ADAMTSL1: variants seen among roughly 807,000 people sequenced by gnomAD.
The protein encoded by ADAMTSL1 is ADAMTS like 1.
ADAMTSL1 carries 126 observed loss-of-function variants against 201.8 expected under a neutral mutation model. That is an observed-to-expected ratio of 0.62 (90% CI 0.54 to 0.72). The LOEUF (loss-of-function observed/expected upper bound fraction) is 0.72. Among genes scored for constraint, ADAMTSL1 ranks in the 30% least tolerant of loss-of-function variants. ADAMTSL1 has a pLI of 0.00. For synonymous variants in ADAMTSL1, 1,121 were observed against 903.4 expected (o/e 1.24, Z -4.32); for missense variants, 2,679 against 2,277.8 (o/e 1.18, Z -3.59).
intron 1 of ADAMTSL1, among the ~76,000 whole-genome samples, chr9:18,033,769 G>A (rs1188778081): frequency 6.6e-6 from 1 of 152,196 alleles, no homozygotes; most frequent in Non-Finnish European, 1.5e-5. Context: ...AGCATCTACT[G>A]TTTGCAGCCC....
At chr9:18,273,986 C>G (rs34154171) in intron 2 of ADAMTSL1, among the ~76,000 whole-genome samples, 2 of 152,126 alleles carry the variant, frequency 1.3e-5, no homozygotes, top group Non-Finnish European at 2.9e-5. Flanking sequence ...TGCTGCTGTC[C>G]TGTGTGCATA....
chr9:18,450,763 T>A (rs1407239817), intron 2 of ADAMTSL1, among the ~76,000 whole-genome samples: 1 of 152,152 alleles, frequency 6.6e-6, no homozygotes, highest in Non-Finnish European at 1.5e-5. Flanking sequence ...TGACAATAGT[T>A]GAGAGAGTAG....
intron 1 of ADAMTSL1, among the ~76,000 whole-genome samples, chr9:17,907,260 C>G (rs372512084): frequency 3.9e-5 from 6 of 152,174 alleles, no homozygotes; most frequent in South Asian, 4.1e-4. Flanking sequence ...TCCTCTACCC[C>G]CCACCCTTTC....
At chr9:18,555,168 A>G (rs907742983) in intron 3 of ADAMTSL1, among the ~76,000 whole-genome samples, 2 of 151,770 alleles carry the variant, frequency 1.3e-5, no homozygotes, top group Admixed American at 1.3e-4. Context: ...TGGCATTACG[A>G]GCAGATATTC....
intron 23 of ADAMTSL1, among the ~76,000 whole-genome samples, chr9:18,847,407 C>T (rs559184838): frequency 6.6e-6 from 1 of 152,150 alleles, no homozygotes; most frequent in Non-Finnish European, 1.5e-5. Flanking sequence ...AGACAAAAGT[C>T]CCTCCTCTCA....
chr9:18,687,409 A>ACCC (rs1830903767), intron 13 of ADAMTSL1, among the ~76,000 whole-genome samples: 1 of 152,202 alleles, frequency 6.6e-6, no homozygotes, highest in African/African-American at 2.4e-5. Flanking sequence ...CCCCCCACCA[A>ACCC]GGAGACTCAC....
rs1276838636 is a variant in ADAMTSL1, at chr9:18,639,386, C to A, written c.809C>A (p.Pro270Gln). 6.2e-7 allele frequency: 1 copy of A among 1,612,530 alleles called. No homozygotes were observed. Among genetic ancestry groups the A allele is most frequent in the Non-Finnish European group, 8.5e-7 (1 of 1,179,082 alleles). Residue 270 changes from proline (P) to glutamine (Q), a missense_variant, in exon 7 of 29, where the codon CCA becomes CAA. Physicochemically the swap from Pro to Gln is moderately conservative, Grantham distance 76. Transcript: ENST00000380548. ...AAAGAGATACTGAGAATGGCTGGACCACTCACAGCAGATTTCATTGTCAAG... is the reference window on the plus strand; with the variant it reads ...AAAGAGATACTGAGAATGGCTGGACAACTCACAGCAGATTTCATTGTCAAG... ...PDKEILRMAG[P>Q]LTADFIVKIR... is the part of the protein sequence containing the mutation.
intron 2 of ADAMTSL1, among the ~76,000 whole-genome samples, chr9:18,272,692 C>G (rs1832426990): frequency 6.6e-6 from 1 of 152,136 alleles, no homozygotes; most frequent in African/African-American, 2.4e-5. Context: ...CTATTCCTAC[C>G]TACCACTTCA....
upstream of ADAMTSL1, among the ~76,000 whole-genome samples, chr9:18,470,369 G>T (rs958397316): frequency 2.0e-5 from 3 of 152,170 alleles, no homozygotes; most frequent in African/African-American, 7.2e-5. Flanking sequence ...TTTCAGTTCT[G>T]CCCCTGAGAA....
At chr9:18,475,184 C>T (rs1821390021) in intron 1 of ADAMTSL1, among the ~76,000 whole-genome samples, 1 of 152,168 alleles carries the variant, frequency 6.6e-6, no homozygotes, top group African/African-American at 2.4e-5. Context: ...CTGATCCAAA[C>T]AAATGTGATT....
chr9:18,300,853 A>G (rs1833682003), intron 2 of ADAMTSL1, among the ~76,000 whole-genome samples: 1 of 152,208 alleles, frequency 6.6e-6, no homozygotes, highest in African/African-American at 2.4e-5. Context: ...AGAGAAGTTT[A>G]CAAAAAAGTT....
At chr9:18,823,831 A>G (rs760455501) in intron 21 of ADAMTSL1, among the ~76,000 whole-genome samples, 1 of 152,188 alleles carries the variant, frequency 6.6e-6, no homozygotes, top group Non-Finnish European at 1.5e-5. Flanking sequence ...TCCACTAAAA[A>G]TACAACAATT....
intron 2 of ADAMTSL1, among the ~76,000 whole-genome samples, chr9:18,274,327 G>A (rs573400802): frequency 2.0e-5 from 3 of 152,266 alleles, no homozygotes; most frequent in African/African-American, 7.2e-5. Context: ...GCGTTGTTGA[G>A]TTGTCCAAAT....
chr9:18,446,055 C>A (rs758273572), intron 2 of ADAMTSL1, among the ~76,000 whole-genome samples: 27 of 152,124 alleles, frequency 1.8e-4, no homozygotes, highest in Non-Finnish European at 1.8e-4. Flanking sequence ...GAGTTTGATT[C>A]CAGATTTCAT....
chr9:17,945,946 C>A (rs552081313), intron 1 of ADAMTSL1, among the ~76,000 whole-genome samples: 61 of 151,622 alleles, frequency 4.0e-4, no homozygotes, highest in Admixed American at 6.6e-4. Context: ...TGCACATGTA[C>A]CCTAAAACTT....
chr9:18,693,584 T>C (rs1481750776), intron 13 of ADAMTSL1, among the ~76,000 whole-genome samples: 2 of 152,236 alleles, frequency 1.3e-5, no homozygotes, highest in African/African-American at 4.8e-5. Context: ...CTTTTGGCTG[T>C]TGCCTCTTTA....
At chr9:18,550,533 A>G (rs979345638) in intron 3 of ADAMTSL1, among the ~76,000 whole-genome samples, 2 of 151,944 alleles carry the variant, frequency 1.3e-5, no homozygotes, top group Non-Finnish European at 2.9e-5. Context: ...GAAGTGGGAC[A>G]TCTGTCTTAA....
intron 2 of ADAMTSL1, among the ~76,000 whole-genome samples, chr9:18,383,879 C>T (rs1316893239): frequency 6.6e-6 from 1 of 152,108 alleles, no homozygotes. Context: ...CTTTACTGTA[C>T]ATATGAATCA....
Position 18,482,491 on chromosome 9 carries a change from G to C in ADAMTSL1, c.63+8196G>C, listed in dbSNP as rs1389943285. 2.0e-5 allele frequency among the ~76,000 whole-genome samples: 3 copies of C among 152,224 alleles called. No individual in the cohort carries two copies. In the East Asian group the frequency reaches 5.8e-4, roughly 29 times the overall value. On this transcript the variant is annotated intron_variant, in intron 1 of 28. Coordinates refer to ENST00000380548, the MANE Select transcript of ADAMTSL1 (RefSeq NM_001040272.6). ...ATTTTTGTCCAGGGACTTTCTCTAAGTCAATTCAGTTTGTTGGCATAAATG... is the reference window on the plus strand; with the variant it reads ...ATTTTTGTCCAGGGACTTTCTCTAACTCAATTCAGTTTGTTGGCATAAATG...
Sources: gnomAD v4.1 joint callset for allele counts (sites outside exome capture counted in the v4.1 genomes callset) on GRCh38, gnomAD v4.1.1 for gene constraint, MANE v1.5 for transcripts, NCBI Gene and HGNC (gene_info 2026-07-23, HGNC 2026-07-21) for gene names.